The following RABEP1 variants were observed in gnomAD, a reference collection of about 807,000 sequenced individuals.
The protein encoded by RABEP1 is rab GTPase-binding effector protein 1.
Under a neutral mutation model 123.4 loss-of-function variants are expected in RABEP1, and 51 were observed. That is an observed-to-expected ratio of 0.41 (90% CI 0.33 to 0.52). The LOEUF (loss-of-function observed/expected upper bound fraction) is 0.52, where lower values mean the gene tolerates loss of function less well. Among genes scored for constraint, RABEP1 ranks in the 20% least tolerant of loss-of-function variants. The pLI, the probability that RABEP1 is intolerant of heterozygous loss-of-function variation, is 0.16. For missense variants in RABEP1, 888 were observed against 996.3 expected, an observed-to-expected ratio of 0.89 and a Z score of 1.46; for synonymous variants, 347 against 355.2, an observed-to-expected ratio of 0.98 and a Z score of 0.26.
At chr17:5,285,311 T>C (rs2074967541) in intron 1 of RABEP1, among the ~76,000 whole-genome samples, 1 of 151,622 alleles carries the variant, frequency 6.6e-6, no homozygotes, top group Non-Finnish European at 1.5e-5. Context: ...TTTTTTTTTT[T>C]CTTTTGTAGA....
At chr17:5,343,719 A>T in intron 5 of RABEP1, among the ~76,000 whole-genome samples, 1 of 116,076 alleles carries the variant, frequency 8.6e-6, no homozygotes, top group Non-Finnish European at 1.6e-5. Context: ...TGTGTTGCCT[A>T]GGCTGGAGTG....
intron 1 of RABEP1, among the ~76,000 whole-genome samples, chr17:5,294,204 T>G (rs940590111): frequency 1.4e-4 from 21 of 152,048 alleles, no homozygotes; most frequent in Admixed American, 1.1e-3. Flanking sequence ...GAGACCAGTC[T>G]GACAAACCCT....
At chr17:5,306,339 C>T (rs1488014039) in intron 1 of RABEP1, among the ~76,000 whole-genome samples, 1 of 152,052 alleles carries the variant, frequency 6.6e-6, no homozygotes, top group Admixed American at 6.6e-5. Context: ...TATAAAGATA[C>T]ATGGTAGGCC....
At chr17:5,331,902 C>A (rs141080663) in intron 2 of RABEP1, 47 bp from the exon 3 acceptor site, 25 of 1,532,860 alleles carry the variant, frequency 1.6e-5, no homozygotes, top group Middle Eastern at 3.4e-4. Context: ...GAATGCCAGT[C>A]TGATCAAAGT....
chr17:5,348,940 A>G lies in RABEP1; in HGVS notation c.785-1511A>G, dbSNP rs549872681. 4.2e-3 allele frequency among the ~76,000 whole-genome samples: 641 copies of G among 152,312 alleles called. 1 individual carries two copies. Among genetic ancestry groups the G allele is most frequent in the Non-Finnish European group, 6.9e-3 (468 of 68,028 alleles). On this transcript the variant is annotated intron_variant, in intron 6 of 17. Transcript: ENST00000537505. ...CACTCGTTAAAGTATACAATTCAGT[A>G]GTTTTTAATATATTCACAAAATTGT...
At chr17:5,370,144 A>G (rs1415737449) in intron 12 of RABEP1, among the ~76,000 whole-genome samples, 4 of 152,158 alleles carry the variant, frequency 2.6e-5, no homozygotes, top group East Asian at 3.9e-4. Context: ...ATTTTGTTGA[A>G]ATTACCATAA....
chr17:5,331,961 G>C lies in RABEP1; in HGVS notation c.176G>C (p.Arg59Thr), dbSNP rs769229397. 2 of 1,613,908 alleles carry C rather than the reference G, an allele frequency of 1.2e-6. No homozygotes were observed. Among genetic ancestry groups the C allele is most frequent in the Non-Finnish European group, 1.7e-6 (2 of 1,179,900 alleles). The change falls in exon 3 of 18, where the codon AGG becomes ACG. Residue 59 changes from arginine (R) to threonine (T), a missense_variant. Transcript: ENST00000537505. Reference protein sequence around the residue: ...LYLAKEEDLKRQNAVLQAAQD... With the variant: ...LYLAKEEDLKTQNAVLQAAQD... Reference sequence around the variant, plus strand: ...CTTTTCTCTCCAGAGGATCTGAAGAGGCAAAATGCAGTATTACAAGCTGCA... The same window carrying C: ...CTTTTCTCTCCAGAGGATCTGAAGACGCAAAATGCAGTATTACAAGCTGCA...
intron 1 of RABEP1, among the ~76,000 whole-genome samples, chr17:5,298,281 T>A (rs1314811305): frequency 2.6e-5 from 4 of 152,250 alleles, no homozygotes; most frequent in African/African-American, 9.6e-5. Flanking sequence ...ATCTACATTT[T>A]AAAATTTTCT....
In RABEP1 at chr17:5,311,629, G is replaced by C. The variant is rs137903496; in HGVS notation, c.163+2807G>C. Among the ~76,000 whole-genome samples the C allele has an allele frequency of 5.4e-4, 79 of 145,772 alleles. 1 individual carries two copies. The highest frequency in any genetic ancestry group is 1.8e-3 in the African/African-American group (72 of 40,216). On this transcript the variant is annotated intron_variant, in intron 2 of 17. Transcript: ENST00000537505. Reference sequence around the variant, plus strand: ...GAGAATCGCTTGAACCTGGGAGGCGGAGGTTGCAGCAAGCTGAGATTGTGC... The same window carrying C: ...GAGAATCGCTTGAACCTGGGAGGCGCAGGTTGCAGCAAGCTGAGATTGTGC...
chr17:5,291,356 G>A (rs979758400), intron 1 of RABEP1, among the ~76,000 whole-genome samples: 4 of 152,142 alleles, frequency 2.6e-5, no homozygotes, highest in African/African-American at 4.8e-5. Flanking sequence ...AGGTTGTAGT[G>A]AGCCAAGATC....
chr17:5,367,035 G>A (rs1490611460), intron 11 of RABEP1, among the ~76,000 whole-genome samples: 1 of 151,102 alleles, frequency 6.6e-6, no homozygotes, highest in Non-Finnish European at 1.5e-5. Flanking sequence ...GTTGCAGTGA[G>A]CCAAGGTCAT....
chr17:5,340,420 A>G (rs1245980406), intron 5 of RABEP1, among the ~76,000 whole-genome samples: 1 of 152,194 alleles, frequency 6.6e-6, no homozygotes, highest in Non-Finnish European at 1.5e-5. Flanking sequence ...GAACATATAA[A>G]TTAATACCTA....
chr17:5,375,710 T>TA (rs957884366), intron 13 of RABEP1, among the ~76,000 whole-genome samples: 178 of 142,776 alleles, frequency 1.2e-3, no homozygotes, highest in African/African-American at 3.5e-3. Context: ...CTGTCTCAAT[T>TA]AAAAAAAAAA....
chr17:5,311,185 T>G (rs1421447266), intron 2 of RABEP1, among the ~76,000 whole-genome samples: 1 of 152,140 alleles, frequency 6.6e-6, no homozygotes, highest in Non-Finnish European at 1.5e-5. Flanking sequence ...AGACGCTGAC[T>G]CACTAGGGCA....
chr17:5,365,159 A>G lies in RABEP1; in HGVS notation c.1706A>G (p.Asp569Gly). Reference sequence around the variant, plus strand: ...CAGCTGATGCTAAGGCAAGCTAATGACCAGTTAGAGAAGACAATGAAAGAT... The same window carrying G: ...CAGCTGATGCTAAGGCAAGCTAATGGCCAGTTAGAGAAGACAATGAAAGAT... ...KLQLMLRQAN[D>G]QLEKTMKDKQ... Residue 569 changes from aspartate to glycine, a missense_variant, in exon 11 of 18, where the codon GAC becomes GGC. Transcript: ENST00000537505. 2 of 1,610,842 alleles carry G rather than the reference A, an allele frequency of 1.2e-6. No homozygotes were observed. The highest frequency in any genetic ancestry group is 1.7e-6 in the Non-Finnish European group (2 of 1,178,828).
intron 12 of RABEP1, chr17:5,371,158 G>A (rs941978159): frequency 6.6e-6 from 1 of 152,126 alleles, no homozygotes; most frequent in Non-Finnish European, 1.5e-5. Context: ...AGTGGAGACG[G>A]GGTTTCACCG....
At chr17:5,366,992 G>C (rs1440485351) in intron 11 of RABEP1, among the ~76,000 whole-genome samples, 1 of 151,322 alleles carries the variant, frequency 6.6e-6, no homozygotes, top group Non-Finnish European at 1.5e-5. Context: ...GGGAGGCTGA[G>C]GCAGGAGAAT....
intron 1 of RABEP1, among the ~76,000 whole-genome samples, chr17:5,284,677 G>T (rs1422900106): frequency 6.6e-6 from 1 of 151,986 alleles, no homozygotes; most frequent in Non-Finnish European, 1.5e-5. Context: ...TGTTGCCTAG[G>T]CTGGTCCCAA....
At chr17:5,318,255 A>G in intron 2 of RABEP1, among the ~76,000 whole-genome samples, 1 of 152,184 alleles carries the variant, frequency 6.6e-6, no homozygotes, top group Non-Finnish European at 1.5e-5. Context: ...CTGAATTTTC[A>G]GCTTGTATGA....
Sources: gnomAD v4.1 joint callset for allele counts (sites outside exome capture counted in the v4.1 genomes callset) on GRCh38, gnomAD v4.1.1 for gene constraint, MANE v1.5 for transcripts, NCBI Gene and HGNC (gene_info 2026-07-23, HGNC 2026-07-21) for gene names.